ADARB2: variants seen among roughly 807,000 people sequenced by gnomAD.
ADARB2 encodes the protein inactive double-stranded RNA-specific editase B2.
In ADARB2, 25 loss-of-function variants were observed where a neutral mutation model predicts 62.2. The ratio of observed to expected loss-of-function variants is 0.40; its 90% CI spans 0.29 to 0.56. The LOEUF (loss-of-function observed/expected upper bound fraction) is 0.56, where lower values mean the gene tolerates loss of function less well. Among genes scored for constraint, ADARB2 ranks in the 20% least tolerant of loss-of-function variants. The pLI, the probability that ADARB2 is intolerant of heterozygous loss-of-function variation, is 0.43. For missense variants in ADARB2, 1,071 were observed against 1,077.4 expected (o/e 0.99, Z 0.08); for synonymous variants, 572 against 500.8 (o/e 1.14, Z -1.90).
intron 5 of ADARB2, among the ~76,000 whole-genome samples, chr10:1,241,203 G>C (rs567455219): frequency 6.6e-6 from 1 of 152,212 alleles, no homozygotes; most frequent in East Asian, 1.9e-4. Flanking sequence ...AGGTTGCAGT[G>C]GGCCAAGATA....
intron 1 of ADARB2, among the ~76,000 whole-genome samples, chr10:1,548,066 T>C (rs1182247626): frequency 6.6e-6 from 1 of 152,120 alleles, no homozygotes; most frequent in Non-Finnish European, 1.5e-5. Flanking sequence ...TGAGCTGCTG[T>C]GGTCTGTCAC....
rs1057398416 is a variant in ADARB2, at chr10:1,448,915, C to G, written c.101-69755G>C. 1.3e-5 allele frequency among the ~76,000 whole-genome samples: 2 copies of G among 152,148 alleles called. 1 individual carries two copies. On this transcript the variant is annotated intron_variant, in intron 1 of 9. Coordinates refer to ENST00000381312, the MANE Select transcript of ADARB2 (RefSeq NM_018702.4). ...ACCCCATGACTGACATCTCAGGGGTCCCCAGCTCATCTTGTAAGCATGACC... is the reference window on the plus strand; with the variant it reads ...ACCCCATGACTGACATCTCAGGGGTGCCCAGCTCATCTTGTAAGCATGACC...
At chr10:1,370,146 G>A (rs1483439405) in intron 2 of ADARB2, among the ~76,000 whole-genome samples, 2 of 152,252 alleles carry the variant, frequency 1.3e-5, no homozygotes, top group South Asian at 2.1e-4. Context: ...GGATGAATCC[G>A]CATCTACAAA....
intron 8 of ADARB2, among the ~76,000 whole-genome samples, chr10:1,185,868 G>T (rs1836749385): frequency 6.6e-6 from 1 of 152,252 alleles, no homozygotes; most frequent in Non-Finnish European, 1.5e-5. Context: ...CAGAAGGGTG[G>T]ATGAGGAGGT....
intron 3 of ADARB2, among the ~76,000 whole-genome samples, chr10:1,336,939 T>C (rs1831979409): frequency 6.6e-6 from 1 of 152,104 alleles, no homozygotes. Context: ...CTAAACAGAG[T>C]ACACAGCTCT....
chr10:1,712,696 C>T (rs1236252322), intron 1 of ADARB2, among the ~76,000 whole-genome samples: 1 of 138,278 alleles, frequency 7.2e-6, no homozygotes, highest in African/African-American at 2.8e-5. Flanking sequence ...GCAAGCTCTG[C>T]CTCCCGGGTT....
At chr10:1,217,322 TC>T (rs1830641429) in intron 6 of ADARB2, among the ~76,000 whole-genome samples, 3 of 152,100 alleles carry the variant, frequency 2.0e-5, no homozygotes, top group Non-Finnish European at 2.9e-5. Flanking sequence ...CGGGCCAACT[TC>T]CCAGTCAAGG....
chr10:1,554,247 A>T (rs1234313955), intron 1 of ADARB2, among the ~76,000 whole-genome samples: 1 of 152,122 alleles, frequency 6.6e-6, no homozygotes, highest in Non-Finnish European at 1.5e-5. Flanking sequence ...AGCCAGGGGC[A>T]GGGGTGGGCC....
rs2131870378 is a variant in ADARB2, at chr10:1,398,442, T to A, written c.101-19282A>T. Among the ~76,000 whole-genome samples the A allele has an allele frequency of 6.6e-6, 1 of 152,208 alleles. No homozygotes were observed. The highest frequency in any genetic ancestry group is 1.5e-5 in the Non-Finnish European group (1 of 68,028). On this transcript the variant is annotated intron_variant, in intron 1 of 9. Transcript: ENST00000381312. This position sits in a 1 kb window ranked among gnomAD's most constrained non-coding sequence, Gnocchi z 4.1. The stretch of plus-strand genomic sequence containing the variant: ...GGAGGGAGACGGGTTTCTTCCTTGG[T>A]CCTCCCACTCGCTCCTGTTTTTCAG...
intron 1 of ADARB2, among the ~76,000 whole-genome samples, chr10:1,653,957 A>G (rs1214464124): frequency 6.6e-6 from 1 of 152,116 alleles, no homozygotes; most frequent in Admixed American, 6.5e-5. Flanking sequence ...GGAGGGGAGT[A>G]ACAGAATGAG....
At chr10:1,524,022 G>A (rs1564316640) in intron 1 of ADARB2, among the ~76,000 whole-genome samples, 2 of 151,612 alleles carry the variant, frequency 1.3e-5, no homozygotes, top group African/African-American at 2.4e-5. Context: ...AATTTATTCA[G>A]CACTTACTAT....
chr10:1,302,441 A>T (rs1831583121), intron 3 of ADARB2, among the ~76,000 whole-genome samples: 1 of 152,192 alleles, frequency 6.6e-6, no homozygotes, highest in South Asian at 2.1e-4. Context: ...GGCGGCAGCG[A>T]GCCTGGGGGA....
intron 1 of ADARB2, among the ~76,000 whole-genome samples, chr10:1,469,438 A>G (rs1831294916): frequency 6.6e-6 from 1 of 152,222 alleles, no homozygotes; most frequent in Non-Finnish European, 1.5e-5. Flanking sequence ...AAACCGTTGG[A>G]TTCTCCAGAT....
At chr10:1,298,336 T>A (rs191391159) in intron 3 of ADARB2, among the ~76,000 whole-genome samples, 2 of 152,046 alleles carry the variant, frequency 1.3e-5, no homozygotes, top group African/African-American at 4.8e-5. Flanking sequence ...CCAAGGAAGG[T>A]TTTTTGGAGT....
intron 1 of ADARB2, among the ~76,000 whole-genome samples, chr10:1,518,326 G>A (rs938466923): frequency 6.6e-6 from 1 of 152,168 alleles, no homozygotes; most frequent in Non-Finnish European, 1.5e-5. Flanking sequence ...CCACACAAGC[G>A]ATGACTTCTA....
intron 1 of ADARB2, among the ~76,000 whole-genome samples, chr10:1,506,252 T>G (rs959566387): frequency 1.3e-5 from 2 of 152,168 alleles, no homozygotes; most frequent in African/African-American, 4.8e-5. Context: ...AATTTTGTCG[T>G]GCGGCTCATT....
At chr10:1,425,392 G>C (rs1394121241) in intron 1 of ADARB2, among the ~76,000 whole-genome samples, 2 of 152,180 alleles carry the variant, frequency 1.3e-5, no homozygotes, top group Non-Finnish European at 2.9e-5. Flanking sequence ...ACTATGCTTT[G>C]TCCTAGAACA....
In ADARB2 at chr10:1,363,514, C is replaced by T. The variant is rs1832282129; in HGVS notation, c.591G>A (p.Gln197=). The T allele has an allele frequency of 6.5e-7, 1 of 1,534,666 alleles. No homozygotes were observed. The highest frequency in any genetic ancestry group is 8.7e-7 in the Non-Finnish European group (1 of 1,145,072). ...RSFVQFPNAC[Q]AHLAMGGGPG... is the part of the protein sequence containing the mutation. Reference sequence around the variant, plus strand: ...GGCCCCCGCCCATGGCCAGGTGCGCCTGGCAGGCGTTGGGGAACTGCACGA... The same window carrying T: ...GGCCCCCGCCCATGGCCAGGTGCGCTTGGCAGGCGTTGGGGAACTGCACGA... The change falls in exon 3 of 10, where the codon CAG becomes CAA. Residue 197 remains glutamine, a synonymous_variant. Coordinates refer to ENST00000381312, the MANE Select transcript of ADARB2 (RefSeq NM_018702.4).
At chr10:1,357,965 CTG>C (rs1832212237) in intron 3 of ADARB2, among the ~76,000 whole-genome samples, 1 of 152,218 alleles carries the variant, frequency 6.6e-6, no homozygotes, top group African/African-American at 2.4e-5. Context: ...GCTCTGCTGA[CTG>C]TAAGTCTTTC....
Sources: allele counts gnomAD v4.1 joint callset (sites outside exome capture counted in the v4.1 genomes callset), GRCh38; gene constraint gnomAD v4.1.1; non-coding constraint Gnocchi (gnomAD v3.1); transcripts MANE v1.5; gene names NCBI Gene and HGNC (gene_info 2026-07-23, HGNC 2026-07-21).